Variants in KLF8 observed in about 807,000 individuals in gnomAD.
KLF8 encodes the protein Krueppel-like factor 8.
A neutral mutation model predicts 18.2 loss-of-function variants in KLF8; 10 were observed. The observed-to-expected ratio is 0.55, with a 90% CI of 0.34 to 0.93. KLF8 has a LOEUF of 0.93. Ranked by LOEUF, KLF8 falls within the 40% of genes least tolerant of loss-of-function variation. The pLI is 0.02. For missense variants in KLF8, 264 were observed against 277.9 expected (o/e 0.95, Z 0.36); for synonymous variants, 109 against 97.3 (o/e 1.12, Z -0.71).
the KLF8 span, among the ~76,000 whole-genome samples, chrX:56,206,229 CT>C: frequency 9.0e-6 from 1 of 111,095 alleles, no homozygotes; most frequent in Admixed American, 9.6e-5. Context: ...CATCCCACCC[CT>C]GGTTCCTTTC....
chrX:56,145,105 G>T, the KLF8 span, among the ~76,000 whole-genome samples: 2 of 111,264 alleles, frequency 1.8e-5, no homozygotes, highest in East Asian at 5.7e-4. Context: ...AATGCATAGA[G>T]AACTTTTAAA....
chrX:56,028,717 G>A, the KLF8 span, among the ~76,000 whole-genome samples: 1 of 111,492 alleles, frequency 9.0e-6, no homozygotes, highest in Non-Finnish European at 1.9e-5. Flanking sequence ...GTACTGTGTG[G>A]TGACACCTGA....
chrX:56,067,766 G>A, the KLF8 span, among the ~76,000 whole-genome samples: 7 of 112,245 alleles, frequency 6.2e-5, no homozygotes, highest in African/African-American at 2.3e-4. Flanking sequence ...TAAGACTGAG[G>A]CAGAAAACTG....
At chrX:56,281,235 G>A (rs1422651618) in intron 5 of KLF8, among the ~76,000 whole-genome samples, 1 of 110,895 alleles carries the variant, frequency 9.0e-6, no homozygotes, top group East Asian at 2.8e-4. Flanking sequence ...ACTCTTGTAA[G>A]GATGTTCCAT....
chrX:55,995,395 T>C, the KLF8 span, among the ~76,000 whole-genome samples: 3 of 112,208 alleles, frequency 2.7e-5, no homozygotes, highest in Non-Finnish European at 5.6e-5. Flanking sequence ...TCAAAGTTAG[T>C]GTTGAAATGT....
the KLF8 span, among the ~76,000 whole-genome samples, chrX:55,984,304 C>T: frequency 1.8e-4 from 20 of 110,320 alleles, no homozygotes; most frequent in African/African-American, 2.6e-4. Flanking sequence ...CAGGTCCCCA[C>T]GTTTCCGAGT....
chrX:56,177,451 G>T, the KLF8 span, among the ~76,000 whole-genome samples: 11 of 110,756 alleles, frequency 9.9e-5, no homozygotes, highest in African/African-American at 3.6e-4. Flanking sequence ...TTGCCTGATC[G>T]TTTTTCTGGA....
the KLF8 span, among the ~76,000 whole-genome samples, chrX:56,009,620 T>A: frequency 5.4e-5 from 6 of 111,953 alleles, no homozygotes; most frequent in Non-Finnish European, 7.5e-5. Flanking sequence ...ATGGATGAAT[T>A]GACAGAAGTA....
chrX:56,055,341 G>A, the KLF8 span, among the ~76,000 whole-genome samples: 5 of 111,655 alleles, frequency 4.5e-5, no homozygotes, highest in Non-Finnish European at 9.4e-5. Context: ...ATGAAGCTTA[G>A]TTTGGCTATA....
chrX:56,018,599 C>T, the KLF8 span, among the ~76,000 whole-genome samples: 109 of 111,062 alleles, frequency 9.8e-4, no homozygotes, highest in African/African-American at 3.3e-3. Flanking sequence ...CACACACACA[C>T]ATCAATATGT....
rs1453624956 is a variant in KLF8 at position 56,270,245 on chromosome X, C to T, written c.822C>T (p.His274=). 2.5e-6 allele frequency: 3 copies of T among 1,202,404 alleles called. No individual in the cohort carries two copies. Among genetic ancestry groups the T allele is most frequent in the Non-Finnish European group, 3.4e-6 (3 of 891,425 alleles). Residue 274 remains histidine, a synonymous_variant, in exon 5 of 6, where the codon CAC becomes CAT. Coordinates refer to ENST00000468660, the MANE Select transcript of KLF8 (RefSeq NM_007250.5). ...TTGACTTGAAGAGAAGACGGATTCA[C>T]CAATGTGACTTTGCAGGATGCAGCA... The part of the protein sequence containing the change: ...ESLDLKRRRI[H]QCDFAGCSKV...
the KLF8 span, among the ~76,000 whole-genome samples, chrX:56,196,729 G>A: frequency 9.0e-6 from 1 of 111,670 alleles, no homozygotes; most frequent in African/African-American, 3.3e-5. Context: ...CTTGAACTCA[G>A]CTCTGCACCA....
chrX:56,251,972 C>A (rs968660234), intron 2 of KLF8, among the ~76,000 whole-genome samples: 8 of 111,266 alleles, frequency 7.2e-5, no homozygotes, highest in African/African-American at 2.6e-4. Context: ...ACTCTAGTCA[C>A]CCTATCATGC....
intron 2 of KLF8, 41 bp from the exon 3 acceptor site, chrX:56,265,139 A>G (rs758235417): frequency 8.8e-7 from 1 of 1,141,335 alleles, no homozygotes; most frequent in Non-Finnish European, 1.2e-6. Flanking sequence ...TCAGGGTACT[A>G]ACACTGACTT....
chrX:56,171,775 A>C, the KLF8 span, among the ~76,000 whole-genome samples: 1 of 111,736 alleles, frequency 8.9e-6, no homozygotes, highest in Admixed American at 9.6e-5. Flanking sequence ...TCTATCATTG[A>C]TGGACATTTG....
chrX:56,082,257 C>G, the KLF8 span, among the ~76,000 whole-genome samples: 1 of 111,414 alleles, frequency 9.0e-6, no homozygotes, highest in African/African-American at 3.3e-5. Flanking sequence ...TTTGTATTAT[C>G]CACTTATAAA....
chrX:56,082,264 T>C, the KLF8 span, among the ~76,000 whole-genome samples: 1 of 111,916 alleles, frequency 8.9e-6, no homozygotes, highest in Non-Finnish European at 1.9e-5. Flanking sequence ...TATCCACTTA[T>C]AAATAACTCT....
chrX:56,167,167 G>C, the KLF8 span, among the ~76,000 whole-genome samples: 1 of 111,229 alleles, frequency 9.0e-6, no homozygotes, highest in Non-Finnish European at 1.9e-5. Flanking sequence ...GTCTTGTTCT[G>C]TCGTCTAGGC....
At chrX:56,275,258 G>A (rs1000589765) in intron 5 of KLF8, among the ~76,000 whole-genome samples, 2 of 111,035 alleles carry the variant, frequency 1.8e-5, no homozygotes, top group African/African-American at 6.5e-5. Context: ...TTTATTTGGA[G>A]CCATTGTAAA....
Sources: gnomAD v4.1 joint callset for allele counts (sites outside exome capture counted in the v4.1 genomes callset) on GRCh38, gnomAD v4.1.1 for gene constraint, MANE v1.5 for transcripts, NCBI Gene and HGNC (gene_info 2026-07-23, HGNC 2026-07-21) for gene names.